Variants in CNTNAP2 observed in about 807,000 individuals in gnomAD.
The protein encoded by CNTNAP2 is contactin associated protein 2.
In CNTNAP2, 98 loss-of-function variants were observed where a neutral mutation model predicts 155.2. That is an observed-to-expected ratio of 0.63 (90% CI 0.54 to 0.75). CNTNAP2 has a LOEUF of 0.75. Ranked by LOEUF, CNTNAP2 falls within the 30% of genes least tolerant of loss-of-function variation. CNTNAP2 has a pLI of 0.00. For synonymous variants in CNTNAP2, 651 were observed against 631.2 expected (o/e 1.03, Z -0.47); for missense variants, 1,727 against 1,688.1 (o/e 1.02, Z -0.40).
chr7:147,775,387 T>TTTATATATA (rs1797567332), intron 13 of CNTNAP2, among the ~76,000 whole-genome samples: 1 of 99,584 alleles, frequency 1.0e-5, no homozygotes, highest in African/African-American at 4.5e-5. Context: ...TTATATATAT[T>TTTATATATA]TATAAATATA....
chr7:147,553,978 A>C (rs572128660), intron 11 of CNTNAP2, among the ~76,000 whole-genome samples: 3 of 152,168 alleles, frequency 2.0e-5, no homozygotes, highest in African/African-American at 7.2e-5. Flanking sequence ...AAGAAAAAAA[A>C]GGAAATGAGA....
intron 21 of CNTNAP2, among the ~76,000 whole-genome samples, chr7:148,367,088 G>A (rs1397347619): frequency 6.6e-6 from 1 of 152,060 alleles, no homozygotes; most frequent in Non-Finnish European, 1.5e-5. Flanking sequence ...AAAATTAGCT[G>A]GGCGCGGTGG....
At chr7:147,831,361 A>G (rs1798542122) in intron 13 of CNTNAP2, among the ~76,000 whole-genome samples, 1 of 152,220 alleles carries the variant, frequency 6.6e-6, no homozygotes, top group Non-Finnish European at 1.5e-5. Context: ...TACTGAAGAC[A>G]CAGAAATGAA....
intron 10 of CNTNAP2, among the ~76,000 whole-genome samples, chr7:147,403,782 G>A (rs1796958232): frequency 6.6e-6 from 1 of 152,008 alleles, no homozygotes; most frequent in Non-Finnish European, 1.5e-5. Flanking sequence ...TATGATAATT[G>A]TATAACCATT....
chr7:146,368,746 T>A (rs17170069), intron 1 of CNTNAP2, among the ~76,000 whole-genome samples: 40,129 of 151,652 alleles, frequency 0.26, 6,487 homozygotes, highest in Admixed American at 0.42. Flanking sequence ...TTTGTGCACC[T>A]CTGCATTTAC....
intron 8 of CNTNAP2, among the ~76,000 whole-genome samples, chr7:147,184,026 A>G (rs945599001): frequency 1.3e-5 from 2 of 152,206 alleles, no homozygotes; most frequent in Admixed American, 1.3e-4. Context: ...ATCTATTGCA[A>G]TAAATGAAAA....
At chr7:147,509,177 C>T (rs1798970204) in intron 11 of CNTNAP2, among the ~76,000 whole-genome samples, 1 of 152,138 alleles carries the variant, frequency 6.6e-6, no homozygotes, top group Non-Finnish European at 1.5e-5. Context: ...CAGCTCAAGT[C>T]TCTTTGATTG....
At chr7:146,204,261 T>G (rs1171418846) in intron 1 of CNTNAP2, among the ~76,000 whole-genome samples, 1 of 152,246 alleles carries the variant, frequency 6.6e-6, no homozygotes, top group Admixed American at 6.5e-5. Context: ...ACTAATTAGT[T>G]AATAGATCTT....
At chr7:146,672,773 A>G (rs1011704267) in intron 1 of CNTNAP2, among the ~76,000 whole-genome samples, 1 of 152,182 alleles carries the variant, frequency 6.6e-6, no homozygotes, top group Admixed American at 6.5e-5. Flanking sequence ...ATCATAACAC[A>G]TTATTCTCAA....
At chr7:147,316,156 G>A (rs1284507909) in intron 9 of CNTNAP2, among the ~76,000 whole-genome samples, 2 of 152,030 alleles carry the variant, frequency 1.3e-5, no homozygotes, top group East Asian at 3.9e-4. Flanking sequence ...ATAAGTCTAT[G>A]TTTATTGTTT....
chr7:146,550,032 G>A (rs1262429548), intron 1 of CNTNAP2, among the ~76,000 whole-genome samples: 1 of 151,850 alleles, frequency 6.6e-6, no homozygotes, highest in Non-Finnish European at 1.5e-5. Flanking sequence ...AGAAAAGCGT[G>A]GAACCTAAAA....
intron 3 of CNTNAP2, among the ~76,000 whole-genome samples, chr7:146,966,638 T>A (rs956808193): frequency 6.6e-6 from 1 of 152,176 alleles, no homozygotes; most frequent in Non-Finnish European, 1.5e-5. Flanking sequence ...TGTTACACAG[T>A]ATGAGCAAGT....
At chr7:146,911,308 A>T (rs1796270479) in intron 3 of CNTNAP2, among the ~76,000 whole-genome samples, 1 of 152,146 alleles carries the variant, frequency 6.6e-6, no homozygotes, top group African/African-American at 2.4e-5. Context: ...ATTACTGGGT[A>T]TATACCCAAA....
In CNTNAP2 at chr7:147,515,361, C is replaced by T. The variant is rs567398133; in HGVS notation, c.1777+29320C>T. Among the ~76,000 whole-genome samples the T allele has an allele frequency of 1.4e-4, 18 of 128,424 alleles. No individual in the cohort carries two copies. The South Asian group carries it at 4.9e-3, about 35-fold the overall frequency. 84.3% of individuals were successfully genotyped at this position (128,424 alleles called of 152,430 possible). A position where few individuals can be genotyped will look rare whatever the true frequency, so the allele number is the denominator to read the frequency against. ...TGTTTTGAGACAAGTCTCGCTCTGT[C>T]GCCCAGGCTGGAGTGCAGTGGTGTG... On this transcript the variant is annotated intron_variant, in intron 11 of 23. Transcript: ENST00000361727.
intron 13 of CNTNAP2, among the ~76,000 whole-genome samples, chr7:147,861,113 C>G (rs954364828): frequency 2.6e-5 from 4 of 152,174 alleles, no homozygotes; most frequent in Non-Finnish European, 5.9e-5. Context: ...TAAGGATTTT[C>G]ACCTCATCTG....
intron 8 of CNTNAP2, among the ~76,000 whole-genome samples, chr7:147,201,106 C>T (rs577133240): frequency 7.9e-5 from 12 of 152,250 alleles, no homozygotes; most frequent in South Asian, 4.1e-4. Flanking sequence ...TTTCAGTCAT[C>T]GGCCAGGATG....
intron 1 of CNTNAP2, among the ~76,000 whole-genome samples, chr7:146,249,455 G>A (rs185623296): frequency 2.6e-5 from 4 of 151,662 alleles, no homozygotes; most frequent in Admixed American, 6.5e-5. Flanking sequence ...ACTGTCACTT[G>A]TGTGTCTCTG....
chr7:148,025,554 C>G (rs1481016809), intron 15 of CNTNAP2, among the ~76,000 whole-genome samples: 1 of 152,166 alleles, frequency 6.6e-6, no homozygotes, highest in East Asian at 1.9e-4. Context: ...AATGCATTGA[C>G]TTTTCTGAGC....
chr7:146,570,431 C>G (rs1168314332), intron 1 of CNTNAP2, among the ~76,000 whole-genome samples: 2 of 152,152 alleles, frequency 1.3e-5, no homozygotes, highest in Non-Finnish European at 2.9e-5. Flanking sequence ...CTATCTGCAT[C>G]TGTGCTCATT....
Sources: allele counts gnomAD v4.1 joint callset (sites outside exome capture counted in the v4.1 genomes callset), GRCh38; gene constraint gnomAD v4.1.1; transcripts MANE v1.5; gene names NCBI Gene and HGNC (gene_info 2026-07-23, HGNC 2026-07-21).